Variants in MCTP2 observed in about 807,000 individuals in gnomAD.
MCTP2 encodes multiple C2 and transmembrane domain containing 2.
In MCTP2, 132 loss-of-function variants were observed where a neutral mutation model predicts 111.6. The observed-to-expected ratio is 1.18, with a 90% CI of 1.03 to 1.37. The LOEUF is 1.37. Ranked by LOEUF, MCTP2 falls within the 40% of genes most tolerant of loss-of-function variation. The pLI, the probability that MCTP2 is intolerant of heterozygous loss-of-function variation, is 0.00. For missense variants in MCTP2, 1,183 were observed against 1,067.9 expected, an observed-to-expected ratio of 1.11 and a Z score of -1.50; for synonymous variants, 395 against 387.7, an observed-to-expected ratio of 1.02 and a Z score of -0.22.
In MCTP2 at chr15:94,476,605, CAGATAGATAGATAGAT is replaced by C. The variant is rs10574224; in HGVS notation, c.2471-59_2471-44del. The C allele has an allele frequency of 2.5e-3, 1,622 of 637,698 alleles. 7 individuals are homozygous for C. The highest frequency in any genetic ancestry group is 3.2e-3 in the South Asian group (162 of 51,186). 39.5% of individuals were successfully genotyped at this position (637,698 alleles called of 1,614,324 possible). ...GCTAGATAGATAGATGATTGACTGA[CAGATAGATAGATAGAT>C]AGATAGATAGATAGATAGATAGATA... On this transcript the variant is annotated intron_variant, in intron 21 of 22. Transcript: ENST00000357742.
In MCTP2 at chr15:94,356,155, C is replaced by A; in HGVS notation, c.1024C>A (p.Leu342Ile). ...SASKSSLIRN[L>I]RLSESLKKNQ... Reference sequence around the variant, plus strand: ...GCTTTAGTCCTCTTTGATACGCAACCTACGGCTCTCTGAGTCCTTGAAAAA... The same window carrying A: ...GCTTTAGTCCTCTTTGATACGCAACATACGGCTCTCTGAGTCCTTGAAAAA... The change falls in exon 9 of 23, where the codon CTA becomes ATA. Residue 342 changes from leucine (L) to isoleucine (I), a missense_variant. Transcript: ENST00000357742. 1 of 1,609,178 alleles carries A rather than the reference C, an allele frequency of 6.2e-7. No homozygotes were observed. The highest frequency in any genetic ancestry group is 1.1e-5 in the South Asian group (1 of 89,926).
rs988684670 is a variant in MCTP2 at position 94,355,830 on chromosome 15, A to C, written c.1006-307A>C. On this transcript the variant is annotated intron_variant, in intron 8 of 22. Transcript: ENST00000357742. ...TGTCTTTCTTCCTCTCACACTATTA[A>C]AATAGCTAAAGGCCCAGTTGAAGGA... 1.5e-5 allele frequency: 11 copies of C among 727,410 alleles called. No homozygotes were observed. In the African/African-American group the frequency reaches 2.1e-4, roughly 14 times the overall value. The allele number at this position is 727,410 out of a possible 1,614,324, so 45.1% of individuals were successfully genotyped here. A position where few individuals can be genotyped will look rare whatever the true frequency, so the allele number is the denominator to read the frequency against.
chr15:94,276,920 C>A (rs1596251220), intron 1 of MCTP2, among the ~76,000 whole-genome samples: 2 of 129,510 alleles, frequency 1.5e-5, no homozygotes, highest in African/African-American at 6.0e-5. Flanking sequence ...AATATCACAA[C>A]TACTGTTACG....
chr15:94,340,735 C>A, intron 6 of MCTP2, 78 bp from the exon 7 acceptor site: 1 of 817,982 alleles, frequency 1.2e-6, no homozygotes, highest in South Asian at 1.9e-5. Flanking sequence ...GAGACTTTTA[C>A]CATAAGCTCC....
intron 10 of MCTP2, among the ~76,000 whole-genome samples, chr15:94,364,902 G>T (rs967662837): frequency 6.6e-5 from 10 of 152,296 alleles, no homozygotes; most frequent in African/African-American, 2.2e-4. Flanking sequence ...GAGGCCTGAA[G>T]AAGGTTTTGT....
intron 20 of MCTP2, among the ~76,000 whole-genome samples, chr15:94,466,607 C>G (rs910982431): frequency 2.0e-5 from 3 of 150,908 alleles, no homozygotes; most frequent in Admixed American, 2.0e-4. Flanking sequence ...ATTAAAATCT[C>G]CCCGTGGAGA....
At chr15:94,475,376 T>A (rs2074268083) in intron 21 of MCTP2, among the ~76,000 whole-genome samples, 1 of 152,198 alleles carries the variant, frequency 6.6e-6, no homozygotes, top group Admixed American at 6.5e-5. Context: ...GATGTAAATC[T>A]GACCCTCCAA....
chr15:94,474,921 G>A (rs537423362), intron 21 of MCTP2, among the ~76,000 whole-genome samples: 1 of 151,470 alleles, frequency 6.6e-6, no homozygotes. Context: ...CCTCATTGGT[G>A]CATTTGAGCT....
chr15:94,447,574 A>G (rs1946951932), intron 19 of MCTP2, among the ~76,000 whole-genome samples: 1 of 152,096 alleles, frequency 6.6e-6, no homozygotes, highest in Non-Finnish European at 1.5e-5. Flanking sequence ...ATAGGGTTTT[A>G]CCACGTCGGC....
chr15:94,246,260 G>C (rs1429330078), intron 1 of MCTP2, among the ~76,000 whole-genome samples: 1 of 152,210 alleles, frequency 6.6e-6, no homozygotes, highest in Non-Finnish European at 1.5e-5. Context: ...ATTTGGAGCT[G>C]AGCCAATGGT....
intron 1 of MCTP2, among the ~76,000 whole-genome samples, chr15:94,278,719 CCT>C (rs1259009632): frequency 6.6e-6 from 1 of 151,160 alleles, no homozygotes; most frequent in African/African-American, 2.4e-5. Flanking sequence ...TTTGAAAATC[CCT>C]CTCTCCCTCT....
intron 8 of MCTP2, among the ~76,000 whole-genome samples, chr15:94,349,451 A>G (rs2078177346): frequency 6.6e-6 from 1 of 152,176 alleles, no homozygotes; most frequent in Non-Finnish European, 1.5e-5. Flanking sequence ...GGTAAGAGAA[A>G]TGAGAATTAG....
chr15:94,467,474 A>G (rs2073473467), intron 20 of MCTP2, among the ~76,000 whole-genome samples: 1 of 151,936 alleles, frequency 6.6e-6, no homozygotes, highest in Admixed American at 6.6e-5. Flanking sequence ...ATATATGTAC[A>G]TTACTTCTAC....
chr15:94,468,721 A>C (rs2073637448), intron 20 of MCTP2, among the ~76,000 whole-genome samples: 1 of 152,086 alleles, frequency 6.6e-6, no homozygotes. Flanking sequence ...TGCAACCTCC[A>C]CTTCCCAGGT....
intron 17 of MCTP2, among the ~76,000 whole-genome samples, chr15:94,428,529 A>G (rs1173282048): frequency 5.3e-5 from 8 of 151,952 alleles, no homozygotes; most frequent in Non-Finnish European, 1.2e-4. Context: ...GGCTTCCTAT[A>G]TTAATCTTTC....
intron 1 of MCTP2, among the ~76,000 whole-genome samples, chr15:94,258,758 A>G (rs1002318069): frequency 6.6e-6 from 1 of 152,182 alleles, no homozygotes; most frequent in African/African-American, 2.4e-5. Flanking sequence ...GAAAATAGTT[A>G]TTGCCTAAAG....
intron 20 of MCTP2, among the ~76,000 whole-genome samples, chr15:94,468,289 G>A (rs1488897565): frequency 2.6e-5 from 4 of 151,666 alleles, no homozygotes; most frequent in Non-Finnish European, 4.4e-5. Context: ...AGCAGAATCT[G>A]TGATATAGGT....
intron 20 of MCTP2, among the ~76,000 whole-genome samples, chr15:94,461,297 TAAAA>T (rs566080957): frequency 4.5e-4 from 68 of 152,134 alleles, no homozygotes; most frequent in African/African-American, 1.6e-3. Flanking sequence ...CCGTCTCTAC[TAAAA>T]ATACAAAAAT....
At chr15:94,308,446 G>A (rs535812704) in intron 2 of MCTP2, among the ~76,000 whole-genome samples, 4 of 152,260 alleles carry the variant, frequency 2.6e-5, no homozygotes, top group Admixed American at 2.0e-4. Flanking sequence ...CTCCAGGGCC[G>A]AACTCTCCAG....
Sources: allele counts gnomAD v4.1 joint callset (sites outside exome capture counted in the v4.1 genomes callset), GRCh38; gene constraint gnomAD v4.1.1; transcripts MANE v1.5; gene names NCBI Gene and HGNC (gene_info 2026-07-23, HGNC 2026-07-21).